Variants in ZNF578 observed in about 807,000 individuals in gnomAD.
ZNF578 encodes the protein zinc finger protein 578, also known as Putative chemokine-related protein B42.
In ZNF578, 8 loss-of-function variants were observed where a neutral mutation model predicts 8.3. The ratio of observed to expected loss-of-function variants is 0.96; its 90% confidence interval spans 0.56 to 1.74. ZNF578 has a LOEUF of 1.74. Among genes scored for constraint, ZNF578 ranks in the 40% most tolerant of loss-of-function variants. The probability of loss-of-function intolerance (pLI) is 0.00; values close to 1 mark genes in which losing one functional copy is unlikely to be tolerated. For synonymous variants in ZNF578, 206 were observed against 232.2 expected (o/e 0.89, Z 1.03); for missense variants, 726 against 707.5 (o/e 1.03, Z -0.30).
chr19:52,478,812 C>T (rs971006563), intron 2 of ZNF578, among the ~76,000 whole-genome samples: 2 of 152,038 alleles, frequency 1.3e-5, no homozygotes, highest in Non-Finnish European at 2.9e-5. Context: ...CTCCCGGGTT[C>T]AAGCAATTCT....
chr19:52,503,713 T>C (rs1211621974), intron 4 of ZNF578, among the ~76,000 whole-genome samples: 2 of 152,184 alleles, frequency 1.3e-5, no homozygotes, highest in African/African-American at 2.4e-5. Context: ...GAAACACCAC[T>C]TGTATCTTAG....
chr19:52,471,850 T>C (rs532885071), intron 2 of ZNF578, among the ~76,000 whole-genome samples: 1 of 152,334 alleles, frequency 6.6e-6, no homozygotes, highest in Admixed American at 6.5e-5. Flanking sequence ...ATATGAAATT[T>C]CTAGTCAGTC....
chr19:52,499,642 G>A (rs535948801), intron 3 of ZNF578, among the ~76,000 whole-genome samples: 75 of 150,614 alleles, frequency 5.0e-4, no homozygotes, highest in African/African-American at 1.6e-3. Context: ...ATAGAGAAAC[G>A]TACATGTATA....
rs1568468792 is a variant in ZNF578, at chr19:52,512,126, C to A, written c.1745C>A (p.Ser582Ter). The A allele has an allele frequency of 6.2e-7, 1 of 1,613,276 alleles. No homozygotes were observed. The highest frequency in any genetic ancestry group is 1.1e-5 in the South Asian group (1 of 91,032). Residue 582 changes from serine to a stop codon, truncating the protein, a stop_gained, in exon 6 of 6, where the codon TCA (serine) becomes TAA (stop). Transcript: ENST00000421239. LOFTEE classifies it low-confidence loss of function (END_TRUNC). ...CGKAHNHLIDSSIKPCMSS is the reference protein window; with the variant it reads ...CGKAHNHLID Reference sequence around the variant, plus strand: ...AAGGCTCACAATCACTTGATTGATTCATCAATCAAGCCTTGCATGTCATCA... The same window carrying A: ...AAGGCTCACAATCACTTGATTGATTAATCAATCAAGCCTTGCATGTCATCA...
At chr19:52,476,374 C>CA (rs2059308350) in intron 2 of ZNF578, among the ~76,000 whole-genome samples, 1 of 152,136 alleles carries the variant, frequency 6.6e-6, no homozygotes, top group Admixed American at 6.5e-5. Flanking sequence ...TGTTAGGGGC[C>CA]ATTGATCGAC....
At position 52,503,716 on chromosome 19, in the gene ZNF578, T is replaced by G. The variant is rs117272920; in HGVS notation, c.64-939T>G. On this transcript the variant is annotated intron_variant, in intron 4 of 5. Coordinates refer to ENST00000421239, the MANE Select transcript of ZNF578 (RefSeq NM_001099694.2). ...TTTGTCCTCTCTGAAACACCACTTG[T>G]ATCTTAGCTCATCTAGAGACTAAAT... 9.5e-3 allele frequency among the ~76,000 whole-genome samples: 1,447 copies of G among 152,248 alleles called. 22 individuals are homozygous for G. Among genetic ancestry groups the G allele is most frequent in the East Asian group, 0.038 (198 of 5,180 alleles).
rs759490874 is a variant in ZNF578 at position 52,511,001 on chromosome 19, A to G, written c.620A>G (p.Asn207Ser). 5 of 1,614,068 alleles carry G rather than the reference A, an allele frequency of 3.1e-6. No individual in the cohort carries two copies. In the East Asian group the frequency reaches 6.7e-5, roughly 22 times the overall value. The change falls in exon 6 of 6, where the codon AAC (asparagine) becomes AGC (serine). Residue 207 changes from asparagine to serine, a missense_variant. By Grantham distance (46) the Asn-to-Ser change is conservative. Transcript: ENST00000421239. Reference protein sequence around the residue: ...SCRPETHTPNNYGNNFFHSSL... With the variant: ...SCRPETHTPNSYGNNFFHSSL... ...AGGCCTGAAACACATACTCCTAATA[A>G]CTATGGGAATAATTTTTTCCATTCA...
Position 52,516,046 on chromosome 19 carries a change from C to G in ZNF578, c.*3892C>G, listed in dbSNP as rs1428097531. On this transcript the variant is annotated 3_prime_UTR_variant, in exon 6 of 6. Coordinates refer to ENST00000421239, the MANE Select transcript of ZNF578 (RefSeq NM_001099694.2). ...CCTCCTCCTGGCAGCTTGCCCTCAT[C>G]TCATGACTCCCTCTGCCCCAGTCAC... 1.3e-5 allele frequency among the ~76,000 whole-genome samples: 2 copies of G among 152,168 alleles called. No individual in the cohort carries two copies. The highest frequency in any genetic ancestry group is 2.9e-5 in the Non-Finnish European group (2 of 68,046).
intron 2 of ZNF578, among the ~76,000 whole-genome samples, chr19:52,490,885 A>G (rs1432560209): frequency 6.6e-5 from 10 of 152,206 alleles, no homozygotes; most frequent in Admixed American, 6.5e-4. Flanking sequence ...TTACTCTTAC[A>G]TAAGCTTCTT....
chr19:52,493,523 G>A (rs1322131639), intron 3 of ZNF578, among the ~76,000 whole-genome samples: 1 of 152,162 alleles, frequency 6.6e-6, no homozygotes. Flanking sequence ...GGAGAACCGA[G>A]GGAGAAACAC....
At chr19:52,484,335 C>T (rs1390961544) in intron 2 of ZNF578, among the ~76,000 whole-genome samples, 2 of 152,226 alleles carry the variant, frequency 1.3e-5, no homozygotes, top group African/African-American at 2.4e-5. Context: ...ATGCCTTCCT[C>T]TTATCTCAAC....
intron 2 of ZNF578, among the ~76,000 whole-genome samples, chr19:52,469,427 T>C (rs1456451772): frequency 6.6e-6 from 1 of 152,090 alleles, no homozygotes; most frequent in African/African-American, 2.4e-5. Flanking sequence ...CCCAAAGTAC[T>C]GGGAATACAG....
At chr19:52,467,169 C>T (rs1318531329) in intron 2 of ZNF578, among the ~76,000 whole-genome samples, 2 of 152,024 alleles carry the variant, frequency 1.3e-5, no homozygotes, top group African/African-American at 4.8e-5. Flanking sequence ...TGACACCACA[C>T]CTGGTTAATT....
intron 1 of ZNF578, 165 bp downstream of exon 1, chr19:52,453,772 G>C (rs985734234): frequency 6.6e-6 from 1 of 152,380 alleles, no homozygotes; most frequent in Admixed American, 6.6e-5. Context: ...GGAGGCTGCT[G>C]GTCCTTTCCC....
At chr19:52,466,527 C>A (rs949350812) in intron 2 of ZNF578, among the ~76,000 whole-genome samples, 2 of 152,032 alleles carry the variant, frequency 1.3e-5, no homozygotes, top group Non-Finnish European at 2.9e-5. Context: ...ATGTTTATAC[C>A]ATTTTTTACT....
intron 2 of ZNF578, among the ~76,000 whole-genome samples, chr19:52,484,130 A>G (rs2122853326): frequency 6.6e-6 from 1 of 152,342 alleles, no homozygotes; most frequent in South Asian, 2.1e-4. Context: ...TCTCTGCATC[A>G]TAAACAAGGT....
rs79229326 is a variant in ZNF578, at chr19:52,475,318, C to T, written c.-121-16006C>T. On this transcript the variant is annotated intron_variant, in intron 2 of 5. Transcript: ENST00000421239. The stretch of plus-strand genomic sequence containing the variant: ...TTACATTTATTAACGTGAGTTTTCA[C>T]ACCAGAAGAAATTTTTTCTTTCTTT... The T allele has an allele frequency of 6.5e-4, 140 of 214,196 alleles. 1 individual carries two copies. In the East Asian group the frequency reaches 0.012, roughly 19 times the overall value. The allele number at this position is 214,196 out of a possible 1,614,324, so 13.3% of individuals were successfully genotyped here.
At chr19:52,455,700 C>A (rs1483803287) in intron 1 of ZNF578, 1 of 152,172 alleles carries the variant, frequency 6.6e-6, no homozygotes, top group Non-Finnish European at 1.5e-5. Flanking sequence ...GCAGTCCTAC[C>A]CATCTCAGAT....
intron 5 of ZNF578, among the ~76,000 whole-genome samples, chr19:52,506,269 T>C (rs1187021483): frequency 6.6e-6 from 1 of 152,120 alleles, no homozygotes; most frequent in East Asian, 1.9e-4. Context: ...CTCATGTATT[T>C]ATCTGTCGAT....
Sources: allele counts gnomAD v4.1 joint callset (sites outside exome capture counted in the v4.1 genomes callset), GRCh38; gene constraint gnomAD v4.1.1; transcripts MANE v1.5; gene names NCBI Gene and HGNC (gene_info 2026-07-23, HGNC 2026-07-21).